Variants in PRIM2 observed in about 807,000 individuals in gnomAD.
The protein encoded by PRIM2 is DNA primase large subunit.
In PRIM2, 39 loss-of-function variants were observed where a neutral mutation model predicts 67.3. The ratio of observed to expected loss-of-function variants is 0.58; its 90% CI spans 0.45 to 0.76. PRIM2 has a LOEUF of 0.76. PRIM2 is among the 30% of genes least tolerant of loss of function. PRIM2 has a pLI of 0.00. For missense variants in PRIM2, 398 were observed against 598.7 expected, an observed-to-expected ratio of 0.66 and a Z score of 3.50; for synonymous variants, 143 against 198.7, an observed-to-expected ratio of 0.72 and a Z score of 2.36.
At chr6:57,540,713 C>T (rs1351561979) in intron 10 of PRIM2, among the ~76,000 whole-genome samples, 1 of 152,032 alleles carries the variant, frequency 6.6e-6, no homozygotes, top group African/African-American at 2.4e-5. Flanking sequence ...AATGTACAGA[C>T]CATACATGGT....
At chr6:57,272,278 A>T in the PRIM2 span, among the ~76,000 whole-genome samples, 1 of 152,086 alleles carries the variant, frequency 6.6e-6, no homozygotes, top group East Asian at 1.9e-4. Context: ...TTTGTAGGTC[A>T]CTAAGGACTT....
At chr6:57,311,278 CG>C (rs1236014410), upstream of PRIM2, among the ~76,000 whole-genome samples, 8 of 113,092 alleles carry the variant, frequency 7.1e-5, no homozygotes, top group Non-Finnish European at 1.5e-4. Context: ...ACTTCCCAGA[CG>C]GGGCGGCCGG....
At chr6:57,310,175 C>CA (rs1232904581), upstream of PRIM2, among the ~76,000 whole-genome samples, 2 of 152,006 alleles carry the variant, frequency 1.3e-5, no homozygotes, top group African/African-American at 4.8e-5. Context: ...TTTATGCAGC[C>CA]AAAAAACACA....
upstream of PRIM2, among the ~76,000 whole-genome samples, chr6:57,315,577 C>G (rs907957775): frequency 2.0e-5 from 3 of 152,204 alleles, no homozygotes; most frequent in South Asian, 6.2e-4. Flanking sequence ...AAACATTTTT[C>G]ATATTTAACA....
chr6:57,513,908 C>T (rs1554347960), intron 8 of PRIM2, among the ~76,000 whole-genome samples: 3 of 152,078 alleles, frequency 2.0e-5, no homozygotes, highest in Non-Finnish European at 1.5e-5. Context: ...TTTTAAAATG[C>T]GTATTTGTCA....
chr6:57,328,979 G>T (rs1312284136), intron 5 of PRIM2, among the ~76,000 whole-genome samples: 1 of 152,116 alleles, frequency 6.6e-6, no homozygotes. Flanking sequence ...CAAATCCTTT[G>T]CCTGTTTTGT....
At chr6:57,511,260 A>G (rs1263189902) in intron 8 of PRIM2, among the ~76,000 whole-genome samples, 2 of 152,276 alleles carry the variant, frequency 1.3e-5, no homozygotes, top group Non-Finnish European at 2.9e-5. Flanking sequence ...AGTTGAATCC[A>G]ATTCTCAAGT....
intron 7 of PRIM2, among the ~76,000 whole-genome samples, chr6:57,498,648 G>A (rs1438427191): frequency 6.6e-6 from 1 of 152,152 alleles, no homozygotes. Flanking sequence ...GTGGTAGAGG[G>A]TAAAAACACC....
At chr6:57,344,164 T>A (rs1768593469) in intron 5 of PRIM2, among the ~76,000 whole-genome samples, 1 of 151,138 alleles carries the variant, frequency 6.6e-6, no homozygotes, top group South Asian at 2.1e-4. Context: ...TTGTTTTATG[T>A]TCCAAGGCTG....
intron 7 of PRIM2, among the ~76,000 whole-genome samples, chr6:57,445,650 G>C (rs962519502): frequency 2.0e-5 from 3 of 152,140 alleles, no homozygotes; most frequent in African/African-American, 7.2e-5. Context: ...AGACAAAAGG[G>C]AAGGCAAGAT....
chr6:57,555,074 T>C (rs1188118407), intron 10 of PRIM2, among the ~76,000 whole-genome samples: 5 of 152,160 alleles, frequency 3.3e-5, no homozygotes, highest in Non-Finnish European at 5.9e-5. Context: ...ATATAATATT[T>C]TGTTGATAGA....
At chr6:57,388,441 G>C (rs1770222503) in intron 7 of PRIM2, among the ~76,000 whole-genome samples, 1 of 152,282 alleles carries the variant, frequency 6.6e-6, no homozygotes, top group South Asian at 2.1e-4. Flanking sequence ...GTGAGAGAAA[G>C]AGAAGAATCA....
intron 7 of PRIM2, among the ~76,000 whole-genome samples, chr6:57,397,673 G>T (rs1770564128): frequency 6.6e-6 from 1 of 151,930 alleles, no homozygotes; most frequent in Non-Finnish European, 1.5e-5. Context: ...AGGTGAATCA[G>T]GGATTTCTTC....
At chr6:57,591,827 C>A (rs1182235146) in intron 10 of PRIM2, among the ~76,000 whole-genome samples, 4 of 151,210 alleles carry the variant, frequency 2.6e-5, no homozygotes, top group Non-Finnish European at 5.9e-5. Context: ...ACGTATATAC[C>A]CAAAGGAAAA....
Position 57,548,637 on chromosome 6 carries a change from T to C in PRIM2, c.1020+11012T>C, listed in dbSNP as rs1775336713. On this transcript the variant is annotated intron_variant, in intron 10 of 13. Coordinates refer to ENST00000615550, the MANE Select transcript of PRIM2 (RefSeq NM_000947.5). The stretch of plus-strand genomic sequence containing the variant: ...ACTGTGATATACCCAGCACTTGAGA[T>C]GGTACTGACAGATTGTATATGCTTA... Among the ~76,000 whole-genome samples, 6 of 152,368 alleles carry C rather than the reference T, an allele frequency of 3.9e-5. 1 individual carries two copies. In the South Asian group the frequency reaches 1.0e-3, roughly 26 times the overall value.
At chr6:57,229,222 G>A in the PRIM2 span, among the ~76,000 whole-genome samples, 1 of 152,106 alleles carries the variant, frequency 6.6e-6, no homozygotes, top group Admixed American at 6.5e-5. Context: ...ATTAAGAGAG[G>A]CTGATCCTAA....
the PRIM2 span, among the ~76,000 whole-genome samples, chr6:57,269,978 C>T: frequency 6.6e-6 from 1 of 152,052 alleles, no homozygotes; most frequent in Admixed American, 6.6e-5. Context: ...CTGTTCTGTT[C>T]CATTGGTCTA....
chr6:57,302,904 G>A, the PRIM2 span, among the ~76,000 whole-genome samples: 100 of 152,216 alleles, frequency 6.6e-4, no homozygotes, highest in Middle Eastern at 3.4e-3. Flanking sequence ...TATGAGTTGT[G>A]TTATAAATCA....
At chr6:57,422,892 G>A (rs1372069419) in intron 7 of PRIM2, among the ~76,000 whole-genome samples, 1 of 152,160 alleles carries the variant, frequency 6.6e-6, no homozygotes. Flanking sequence ...GTGAATTTTT[G>A]AGATGCCCCA....
Sources: gnomAD v4.1 joint callset for allele counts (sites outside exome capture counted in the v4.1 genomes callset) on GRCh38, gnomAD v4.1.1 for gene constraint, MANE v1.5 for transcripts, NCBI Gene and HGNC (gene_info 2026-07-23, HGNC 2026-07-21) for gene names.